AP2A2: variants seen among roughly 807,000 people sequenced by gnomAD.
AP2A2 encodes the protein AP-2 complex subunit alpha-2.
In AP2A2, 32 loss-of-function variants were observed where a neutral mutation model predicts 104.2. The observed-to-expected ratio is 0.31, with a 90% confidence interval of 0.23 to 0.41. The LOEUF (loss-of-function observed/expected upper bound fraction) is 0.41. Ranked by LOEUF, AP2A2 falls within the 10% of genes least tolerant of loss-of-function variation. The probability of loss-of-function intolerance (pLI) is 1.00; values close to 1 mark genes in which losing one functional copy is unlikely to be tolerated. For synonymous variants in AP2A2, 539 were observed against 533.3 expected (o/e 1.01, Z -0.15); for missense variants, 912 against 1,261.0 (o/e 0.72, Z 4.19).
At position 993,434 on chromosome 11, in the gene AP2A2, TG is replaced by T; in HGVS notation, c.1550+55del. 7.0e-7 allele frequency: 1 copy of T among 1,420,324 alleles called. No individual in the cohort carries two copies. Among genetic ancestry groups the T allele is most frequent in the Non-Finnish European group, 9.4e-7 (1 of 1,063,466 alleles). The allele number at this position is 1,420,324 out of a possible 1,614,324, so 88.0% of individuals were successfully genotyped here. A position where few individuals can be genotyped will look rare whatever the true frequency, so the allele number is the denominator to read the frequency against. On this transcript the variant is annotated intron_variant, in intron 12 of 21. Transcript: ENST00000448903. The surrounding 1 kb of genome is among the most constrained non-coding windows in gnomAD (Gnocchi z 8.2). ...GTGTGCGCTCCGGCGGGCCTCTCGG[TG>T]GTCGGTGGCAAGAGGCGAGGCACCA...
At chr11:931,333 C>T (rs1283493707) in intron 1 of AP2A2, among the ~76,000 whole-genome samples, 1 of 152,118 alleles carries the variant, frequency 6.6e-6, no homozygotes, top group African/African-American at 2.4e-5. Context: ...GACATATCTG[C>T]AGAGGAGAGT....
At chr11:973,036 G>A (rs1232017819) in intron 4 of AP2A2, among the ~76,000 whole-genome samples, 2 of 152,240 alleles carry the variant, frequency 1.3e-5, no homozygotes, top group African/African-American at 4.8e-5. Context: ...CACAGGCAGG[G>A]CCCCCACCTG....
intron 6 of AP2A2, among the ~76,000 whole-genome samples, chr11:981,893 C>T (rs1053697028): frequency 4.6e-5 from 7 of 152,232 alleles, no homozygotes; most frequent in African/African-American, 1.4e-4. Context: ...GCTGGGGCCG[C>T]GGCTCCTGAA....
At chr11:1,009,640 C>T (rs12801857) in intron 20 of AP2A2, 43 bp from the exon 21 acceptor site, 21 of 1,469,550 alleles carry the variant, frequency 1.4e-5, no homozygotes, top group East Asian at 2.5e-5. Context: ...ACGCTGCCCG[C>T]GACCCCGCGC....
At chr11:979,128 C>T (rs1855154491) in intron 5 of AP2A2, among the ~76,000 whole-genome samples, 1 of 151,744 alleles carries the variant, frequency 6.6e-6, no homozygotes, top group Non-Finnish European at 1.5e-5. Context: ...TGTCGCGGGC[C>T]TGAGTGTGCC....
At position 977,371 on chromosome 11, in the gene AP2A2, C is replaced by T; in HGVS notation, c.603+147C>T. 8 of 1,110,692 alleles carry T rather than the reference C, an allele frequency of 7.2e-6. No homozygotes were observed. The East Asian group carries it at 1.4e-4, about 19-fold the overall frequency. The allele number at this position is 1,110,692 out of a possible 1,614,324, so 68.8% of individuals were successfully genotyped here. A position where few individuals can be genotyped will look rare whatever the true frequency, so the allele number is the denominator to read the frequency against. On this transcript the variant is annotated intron_variant, in intron 5 of 21. Coordinates refer to ENST00000448903, the MANE Select transcript of AP2A2 (RefSeq NM_012305.4). ...GGCTGCGTGCTGAGGCCACGGGGGCCCTTCCTGGGGCTGGATGAGTAAGAC... is the reference window on the plus strand; with the variant it reads ...GGCTGCGTGCTGAGGCCACGGGGGCTCTTCCTGGGGCTGGATGAGTAAGAC...
At chr11:944,789 C>T (rs1176917434) in intron 1 of AP2A2, among the ~76,000 whole-genome samples, 3 of 144,908 alleles carry the variant, frequency 2.1e-5, no homozygotes, top group African/African-American at 5.2e-5. Flanking sequence ...AGGCCTTTGT[C>T]GGGGAGGATG....
chr11:953,555 C>A (rs34789911), intron 1 of AP2A2, among the ~76,000 whole-genome samples: 1,558 of 152,078 alleles, frequency 0.01, 12 homozygotes, highest in Non-Finnish European at 0.016. Flanking sequence ...GCCCCCCCCC[C>A]CCATTGTCTT....
chr11:959,530 G>A (rs1464634307), intron 2 of AP2A2, 25 bp downstream of exon 2: 4 of 1,446,448 alleles, frequency 2.8e-6, no homozygotes, highest in Non-Finnish European at 3.8e-6. Context: ...CCTTTTCCAT[G>A]AAATGTCCTG....
At position 993,236 on chromosome 11, in the gene AP2A2, A is replaced by C. The variant is rs754825077; in HGVS notation, c.1453-48A>C. 2 of 1,514,488 alleles carry C rather than the reference A, an allele frequency of 1.3e-6. No individual in the cohort carries two copies. Among genetic ancestry groups the C allele is most frequent in the Admixed American group, 4.1e-5 (2 of 49,280 alleles). 93.8% of individuals were successfully genotyped at this position (1,514,488 alleles called of 1,614,324 possible). Reference sequence around the variant, plus strand: ...CGCCAGGACGTGCCCGCCTCGCCTTAACTCTGGCACCTGGCTGCCACCCCG... The same window carrying C: ...CGCCAGGACGTGCCCGCCTCGCCTTCACTCTGGCACCTGGCTGCCACCCCG... On this transcript the variant is annotated intron_variant, in intron 11 of 21. Transcript: ENST00000448903. This position sits in a 1 kb window ranked among gnomAD's most constrained non-coding sequence, Gnocchi z 8.2.
chr11:979,184 A>G lies in AP2A2; in HGVS notation c.603+1960A>G, dbSNP rs558815248. On this transcript the variant is annotated intron_variant, in intron 5 of 21. Transcript: ENST00000448903. The stretch of plus-strand genomic sequence containing the variant: ...TCTCAGTGCAGGGGGAGGACGTCCT[A>G]AATGAGAGGCTGAGCTCCGCGCCTG... Among the ~76,000 whole-genome samples the G allele has an allele frequency of 5.3e-5, 8 of 151,212 alleles. No homozygotes were observed. In the South Asian group the frequency reaches 1.7e-3, roughly 32 times the overall value.
At chr11:949,731 C>T (rs968520588) in intron 1 of AP2A2, among the ~76,000 whole-genome samples, 4 of 149,806 alleles carry the variant, frequency 2.7e-5, no homozygotes, top group East Asian at 2.0e-4. Flanking sequence ...GCCGAGATCA[C>T]GCCACTGCAC....
At chr11:987,220 C>G (rs1294387053) in intron 9 of AP2A2, among the ~76,000 whole-genome samples, 1 of 152,174 alleles carries the variant, frequency 6.6e-6, no homozygotes, top group African/African-American at 2.4e-5. Flanking sequence ...GGGGCAGCCC[C>G]CGTGTGCCAT....
chr11:938,922 CCTTA>C (rs1439531536), intron 1 of AP2A2, among the ~76,000 whole-genome samples: 4 of 152,076 alleles, frequency 2.6e-5, no homozygotes, highest in African/African-American at 4.8e-5. Context: ...CTAGGCTTGT[CCTTA>C]CTTAAATGTT....
At chr11:1,003,542 C>T (rs902193739) in intron 15 of AP2A2, 180 bp from the exon 16 acceptor site, 31 of 504,776 alleles carry the variant, frequency 6.1e-5, no homozygotes, top group South Asian at 3.6e-4. Flanking sequence ...TCCTGCTCAC[C>T]GTCCTCCTCC....
At chr11:988,979 A>G (rs1855555719) in intron 10 of AP2A2, among the ~76,000 whole-genome samples, 1 of 152,022 alleles carries the variant, frequency 6.6e-6, no homozygotes, top group South Asian at 2.1e-4. Flanking sequence ...TGGGCAACAC[A>G]GCGAGACCCT....
chr11:956,871 T>G (rs1854254922), intron 1 of AP2A2: 1 of 152,246 alleles, frequency 6.6e-6, no homozygotes. Context: ...AGAAGACTTC[T>G]GTGACCCCAG....
intron 16 of AP2A2, among the ~76,000 whole-genome samples, chr11:1,005,275 G>A (rs1278091165): frequency 6.6e-6 from 1 of 152,234 alleles, no homozygotes; most frequent in African/African-American, 2.4e-5. Context: ...CCACTCATGC[G>A]GTCCCTAGAG....
At chr11:980,974 C>CTAAA (rs1855218623) in intron 5 of AP2A2, among the ~76,000 whole-genome samples, 1 of 152,202 alleles carries the variant, frequency 6.6e-6, no homozygotes. Context: ...GGGATCTGGG[C>CTAAA]TAAGCATGAC....
Sources: gnomAD v4.1 joint callset for allele counts (sites outside exome capture counted in the v4.1 genomes callset) on GRCh38, gnomAD v4.1.1 for gene constraint, Gnocchi (gnomAD v3.1) non-coding constraint, MANE v1.5 for transcripts, NCBI Gene and HGNC (gene_info 2026-07-23, HGNC 2026-07-21) for gene names.